The following APPL2 variants were observed in gnomAD, a reference collection of about 807,000 sequenced individuals.
The protein encoded by APPL2 is adaptor protein, phosphotyrosine interacting with PH domain and leucine zipper 2.
In APPL2, 84 loss-of-function variants were observed where a neutral mutation model predicts 92.7. That is an observed-to-expected ratio of 0.91 (90% CI 0.76 to 1.09). The LOEUF (loss-of-function observed/expected upper bound fraction) is 1.09. APPL2 is among the 50% of genes least tolerant of loss of function. The probability of loss-of-function intolerance (pLI) is 0.00; values close to 1 mark genes in which losing one functional copy is unlikely to be tolerated. For synonymous variants in APPL2, 291 were observed against 291.0 expected, an observed-to-expected ratio of 1.00 and a Z score of 0.00; for missense variants, 736 against 824.5, an observed-to-expected ratio of 0.89 and a Z score of 1.31.
rs775516285 is a variant in APPL2 at position 105,203,751 on chromosome 12, G to C, written c.656C>G (p.Ser219Cys). The change falls in exon 9 of 21, where the codon TCC (serine) becomes TGC (cysteine). Residue 219 changes from serine (S) to cysteine (C), a missense_variant. Physicochemically the swap from Ser to Cys is moderately radical, Grantham distance 112. Coordinates refer to ENST00000258530, the MANE Select transcript of APPL2 (RefSeq NM_018171.5). The part of the protein sequence containing the change: ...NFFKKGAEMF[S>C]KRMDSFLSSV... ...GGATAAAAAGCTGTCCATACGTTTGGAAAACATCTCTGCTCCCTTCTTAAA... is the reference window on the plus strand; with the variant it reads ...GGATAAAAAGCTGTCCATACGTTTGCAAAACATCTCTGCTCCCTTCTTAAA... The C allele has an allele frequency of 1.2e-6, 2 of 1,614,146 alleles. No individual in the cohort carries two copies. The highest frequency in any genetic ancestry group is 1.7e-6 in the Non-Finnish European group (2 of 1,179,982).
chr12:105,233,483 C>A, intron 1 of APPL2: 1 of 789,930 alleles, frequency 1.3e-6, no homozygotes, highest in Non-Finnish European at 1.5e-6. Context: ...CTATTCAGCT[C>A]TTCCTGGGTC....
intron 2 of APPL2, among the ~76,000 whole-genome samples, chr12:105,228,178 T>C (rs924232094): frequency 1.3e-5 from 2 of 152,230 alleles, no homozygotes; most frequent in Admixed American, 6.5e-5. Context: ...TATATACTAC[T>C]GAATGTGGTA....
In APPL2 at chr12:105,209,346, C is replaced by T. The variant is rs985678397; in HGVS notation, c.374-1147G>A. On this transcript the variant is annotated intron_variant, in intron 5 of 20. Transcript: ENST00000258530. ...ATGGCATCAGAAAAGGATGTTTAAC[C>T]TTTTTCAAAGATACTAAGAAGATTC... Among the ~76,000 whole-genome samples, 11 of 152,124 alleles carry T rather than the reference C, an allele frequency of 7.2e-5. No individual in the cohort carries two copies. The East Asian group carries it at 1.9e-3, about 27-fold the overall frequency.
intron 20 of APPL2, 123 bp from the exon 21 acceptor site, chr12:105,174,571 TGCCTTC>T: frequency 1.0e-6 from 1 of 988,512 alleles, no homozygotes; most frequent in Non-Finnish European, 1.4e-6. Context: ...TGTGTATATG[TGCCTTC>T]CGCTGAGTCT....
chr12:105,214,870 TC>T (rs1317590394), intron 4 of APPL2, among the ~76,000 whole-genome samples: 2 of 152,176 alleles, frequency 1.3e-5, no homozygotes, highest in Non-Finnish European at 2.9e-5. Flanking sequence ...TGGAGGTTGA[TC>T]ACATCTATGT....
At chr12:105,210,175 T>C (rs935449439) in intron 5 of APPL2, among the ~76,000 whole-genome samples, 1 of 152,042 alleles carries the variant, frequency 6.6e-6, no homozygotes, top group Non-Finnish European at 1.5e-5. Flanking sequence ...TTAGCCAGGA[T>C]GGTCTCGATC....
chr12:105,212,600 G>A lies in APPL2; in HGVS notation c.286-1283C>T, dbSNP rs565839916. ...TATGCTCACGTTTGGGAATCTAGAC[G>A]TTGGCAATGAATACAGTGGAAGGGA... On this transcript the variant is annotated intron_variant, in intron 4 of 20. Coordinates refer to ENST00000258530, the MANE Select transcript of APPL2 (RefSeq NM_018171.5). Among the ~76,000 whole-genome samples, 6 of 152,320 alleles carry A rather than the reference G, an allele frequency of 3.9e-5. No individual in the cohort carries two copies. In the East Asian group the frequency reaches 7.7e-4, roughly 20 times the overall value.
chr12:105,209,830 T>C (rs1054069434), intron 5 of APPL2, among the ~76,000 whole-genome samples: 7 of 152,190 alleles, frequency 4.6e-5, no homozygotes, highest in African/African-American at 7.2e-5. Flanking sequence ...AGGCATTACT[T>C]GTTATTTTTT....
intron 16 of APPL2, among the ~76,000 whole-genome samples, 183 bp from the exon 17 acceptor site, chr12:105,188,630 T>C (rs1886939870): frequency 6.6e-6 from 1 of 152,222 alleles, no homozygotes; most frequent in African/African-American, 2.4e-5. Context: ...GTCTACATCT[T>C]GTCAGTTTGT....
chr12:105,220,470 C>T (rs1890014202), intron 2 of APPL2, among the ~76,000 whole-genome samples: 1 of 152,196 alleles, frequency 6.6e-6, no homozygotes, highest in South Asian at 2.1e-4. Context: ...CTCAAAGACC[C>T]ATTCTTTTGC....
At position 105,188,328 on chromosome 12, in the gene APPL2, G is replaced by A; in HGVS notation, c.1579C>T (p.His527Tyr). 2 of 1,614,208 alleles carry A rather than the reference G, an allele frequency of 1.2e-6. No homozygotes were observed. The highest frequency in any genetic ancestry group is 2.2e-5 in the South Asian group (2 of 91,084). ...GATTCTGTCATGCGGAAGATGTTAT[G>A]AATAGCCCGAGCAGCCAATACTTGT... ...MRQVLAARAI[H>Y]NIFRMTESHL... The change falls in exon 17 of 21, where the codon CAT becomes TAT. Residue 527 changes from histidine (H) to tyrosine (Y), a missense_variant. His to Tyr is a moderately conservative substitution (Grantham distance 83). Coordinates refer to ENST00000258530, the MANE Select transcript of APPL2 (RefSeq NM_018171.5).
At chr12:105,228,760 A>G (rs1226838619) in intron 2 of APPL2, among the ~76,000 whole-genome samples, 1 of 152,198 alleles carries the variant, frequency 6.6e-6, no homozygotes, top group African/African-American at 2.4e-5. Flanking sequence ...CCACACTGAC[A>G]TCTAAGACTC....
chr12:105,197,923 C>T lies in APPL2; in HGVS notation c.894G>A (p.Glu298=). The change falls in exon 11 of 21, where the codon GAG becomes GAA. Residue 298 remains glutamate (E), a synonymous_variant. Coordinates refer to ENST00000258530, the MANE Select transcript of APPL2 (RefSeq NM_018171.5). ...NKTGLVTTTW[E]RLYFFTQGGN... ...CGCCTTGGGTGAAGAAATAAAGCCT[C>T]TCCCAGGTGGTGGTGACCAGCCCTG... is the stretch of plus-strand genomic sequence containing the variant. The T allele has an allele frequency of 6.2e-6, 10 of 1,614,160 alleles. No homozygotes were observed. The highest frequency in any genetic ancestry group is 8.5e-6 in the Non-Finnish European group (10 of 1,180,044).
Position 105,199,599 on chromosome 12 carries a change from G to A in APPL2, c.705-68C>T. The A allele has an allele frequency of 2.0e-6, 3 of 1,525,686 alleles. No individual in the cohort carries two copies. The South Asian group carries it at 3.8e-5, about 19-fold the overall frequency. The allele number at this position is 1,525,686 out of a possible 1,614,324, so 94.5% of individuals were successfully genotyped here. On this transcript the variant is annotated intron_variant, in intron 9 of 20. Coordinates refer to ENST00000258530, the MANE Select transcript of APPL2 (RefSeq NM_018171.5). Reference sequence around the variant, plus strand: ...ACCCAGCACTACTAAGAAGCCACTGGCAGCCATCACTCCACCCCCGCAAAG... The same window carrying A: ...ACCCAGCACTACTAAGAAGCCACTGACAGCCATCACTCCACCCCCGCAAAG...
intron 5 of APPL2, among the ~76,000 whole-genome samples, chr12:105,210,306 C>T (rs1367425592): frequency 2.0e-5 from 3 of 152,050 alleles, no homozygotes; most frequent in African/African-American, 7.2e-5. Context: ...CAACCTTCTC[C>T]GCCCCAACCC....
chr12:105,233,410 A>G, intron 1 of APPL2: 1 of 985,468 alleles, frequency 1.0e-6, no homozygotes, highest in Non-Finnish European at 1.2e-6. Flanking sequence ...TTTACAATGC[A>G]TCGTGCAGCA....
intron 11 of APPL2, among the ~76,000 whole-genome samples, chr12:105,196,425 CTTTTTTTTT>C (rs59820038): frequency 1.8e-4 from 15 of 83,868 alleles, no homozygotes; most frequent in African/African-American, 2.4e-4. Flanking sequence ...GGCGTTAACT[CTTTTTTTTT>C]TTTTTTTTTT....
intron 20 of APPL2, among the ~76,000 whole-genome samples, chr12:105,174,710 C>T (rs965718289): frequency 5.3e-5 from 8 of 152,196 alleles, no homozygotes; most frequent in South Asian, 2.1e-4. Context: ...GAACTTCCTT[C>T]ACAGAACTTT....
chr12:105,212,118 CAA>C (rs5800657), intron 4 of APPL2, among the ~76,000 whole-genome samples: 3 of 72,388 alleles, frequency 4.1e-5, no homozygotes, highest in Non-Finnish European at 7.3e-5. Context: ...GACTCCATCT[CAA>C]AAAAAAAAAA....
Sources: gnomAD v4.1 joint callset for allele counts (sites outside exome capture counted in the v4.1 genomes callset) on GRCh38, gnomAD v4.1.1 for gene constraint, MANE v1.5 for transcripts, NCBI Gene and HGNC (gene_info 2026-07-23, HGNC 2026-07-21) for gene names.